CDH12: variants seen among roughly 807,000 people sequenced by gnomAD.
CDH12 encodes the protein cadherin 12, also known as cadherin-12.
In CDH12, 41 loss-of-function variants were observed where a neutral mutation model predicts 74.1. The observed-to-expected ratio is 0.55, with a 90% CI of 0.43 to 0.72. The LOEUF (loss-of-function observed/expected upper bound fraction) is 0.72. Among genes scored for constraint, CDH12 ranks in the 30% least tolerant of loss-of-function variants. The pLI is 0.00. For missense variants in CDH12, 945 were observed against 977.2 expected (o/e 0.97, Z 0.44); for synonymous variants, 399 against 355.0 (o/e 1.12, Z -1.39).
chr5:22,398,728 T>C (rs932563693), intron 3 of CDH12, among the ~76,000 whole-genome samples: 23 of 152,200 alleles, frequency 1.5e-4, no homozygotes, highest in African/African-American at 5.1e-4. Context: ...CTTTCTATTA[T>C]CTGCATGATT....
At chr5:22,174,511 C>T (rs964567390) in intron 4 of CDH12, among the ~76,000 whole-genome samples, 1 of 151,790 alleles carries the variant, frequency 6.6e-6, no homozygotes, top group African/African-American at 2.4e-5. Context: ...AACTGCAAGC[C>T]TAGAATTTAG....
At chr5:22,545,290 T>C (rs1738266316) in intron 1 of CDH12, among the ~76,000 whole-genome samples, 1 of 152,188 alleles carries the variant, frequency 6.6e-6, no homozygotes, top group South Asian at 2.1e-4. Flanking sequence ...TCTGAATATA[T>C]AGACAGGAAG....
At chr5:22,808,908 A>T (rs1748968314) in intron 1 of CDH12, among the ~76,000 whole-genome samples, 1 of 151,386 alleles carries the variant, frequency 6.6e-6, no homozygotes, top group South Asian at 2.1e-4. Context: ...CACCCAGCCA[A>T]CTTACATAAA....
chr5:22,369,636 G>A (rs1741187220), intron 3 of CDH12, among the ~76,000 whole-genome samples: 1 of 152,258 alleles, frequency 6.6e-6, no homozygotes, highest in Admixed American at 6.5e-5. Flanking sequence ...TACCTTTGAA[G>A]GACTGAGGAG....
chr5:22,009,150 G>A (rs185903677), intron 5 of CDH12, among the ~76,000 whole-genome samples: 97 of 152,192 alleles, frequency 6.4e-4, no homozygotes, highest in Non-Finnish European at 1.1e-3. Flanking sequence ...AAGCTGAGGC[G>A]ACTAATATAC....
chr5:22,577,126 C>G (rs1428352265), intron 1 of CDH12, among the ~76,000 whole-genome samples: 3 of 152,158 alleles, frequency 2.0e-5, no homozygotes, highest in Non-Finnish European at 2.9e-5. Flanking sequence ...GGCCCAGAGA[C>G]AGGCGGCTTG....
chr5:21,966,159 T>A (rs1387728146), intron 6 of CDH12, among the ~76,000 whole-genome samples: 3 of 73,888 alleles, frequency 4.1e-5, no homozygotes, highest in African/African-American at 2.8e-4. Context: ...TATTTTTACG[T>A]TTTTTTTTTT....
intron 3 of CDH12, among the ~76,000 whole-genome samples, chr5:22,317,187 G>A (rs536724519): frequency 2.6e-5 from 4 of 152,066 alleles, no homozygotes; most frequent in African/African-American, 9.6e-5. Context: ...GTGTACTGGC[G>A]GGCGCCTGTA....
chr5:21,997,915 G>C (rs1430012920), intron 5 of CDH12, among the ~76,000 whole-genome samples: 3 of 152,076 alleles, frequency 2.0e-5, no homozygotes, highest in Non-Finnish European at 4.4e-5. Flanking sequence ...TTTGGGGTAG[G>C]AGCTAAAAGT....
chr5:21,980,182 C>CATAT (rs370738806), intron 5 of CDH12, among the ~76,000 whole-genome samples: 3,167 of 145,864 alleles, frequency 0.022, 95 homozygotes, highest in African/African-American at 0.068. Context: ...ATATGTATGG[C>CATAT]ATATATATAT....
chr5:21,998,174 T>C (rs1229375140), intron 5 of CDH12, among the ~76,000 whole-genome samples: 4 of 152,054 alleles, frequency 2.6e-5, no homozygotes, highest in African/African-American at 9.7e-5. Context: ...TTCCCTTCCT[T>C]GGCTCTATGT....
intron 3 of CDH12, among the ~76,000 whole-genome samples, chr5:22,359,490 A>AAG (rs1740707617): frequency 6.6e-6 from 1 of 152,160 alleles, no homozygotes; most frequent in African/African-American, 2.4e-5. Context: ...GGGAGACTTC[A>AAG]ACACCCCACT....
At chr5:21,918,497 T>C (rs13162958) in intron 6 of CDH12, among the ~76,000 whole-genome samples, 99,882 of 151,958 alleles carry the variant, frequency 0.66, 36,821 homozygotes, top group East Asian at 0.93. Flanking sequence ...TTCAGCACAG[T>C]TGGGGAGTCC....
chr5:22,606,221 G>A (rs1170039500), intron 1 of CDH12, among the ~76,000 whole-genome samples: 1 of 152,042 alleles, frequency 6.6e-6, no homozygotes, highest in Non-Finnish European at 1.5e-5. Flanking sequence ...TGGCCCTCCT[G>A]GTCATACACT....
At chr5:22,319,413 G>A (rs1340836593) in intron 3 of CDH12, among the ~76,000 whole-genome samples, 1 of 152,090 alleles carries the variant, frequency 6.6e-6, no homozygotes, top group Non-Finnish European at 1.5e-5. Flanking sequence ...GGAATAAAAG[G>A]CAACGCAGTT....
At chr5:22,251,320 G>A (rs1401573520) in intron 3 of CDH12, among the ~76,000 whole-genome samples, 1 of 152,116 alleles carries the variant, frequency 6.6e-6, no homozygotes, top group Non-Finnish European at 1.5e-5. Context: ...CCATACACAG[G>A]TTCAGATAAA....
intron 2 of CDH12, among the ~76,000 whole-genome samples, chr5:22,408,730 A>C (rs979725545): frequency 6.6e-6 from 1 of 151,456 alleles, no homozygotes; most frequent in Non-Finnish European, 1.5e-5. Context: ...ATTAGACTCA[A>C]TATCACTGAA....
intron 2 of CDH12, among the ~76,000 whole-genome samples, chr5:22,480,193 T>A (rs1746329694): frequency 6.6e-6 from 1 of 152,162 alleles, no homozygotes; most frequent in African/African-American, 2.4e-5. Flanking sequence ...CTCCCTAAGT[T>A]ATTTTTAGGA....
intron 3 of CDH12, among the ~76,000 whole-genome samples, chr5:22,272,858 G>T (rs1415652861): frequency 2.6e-5 from 4 of 152,160 alleles, no homozygotes; most frequent in African/African-American, 9.7e-5. Flanking sequence ...AAGGAAAGAA[G>T]TTTAATTGAC....
Sources: gnomAD v4.1 joint callset for allele counts (sites outside exome capture counted in the v4.1 genomes callset) on GRCh38, gnomAD v4.1.1 for gene constraint, MANE v1.5 for transcripts, NCBI Gene and HGNC (gene_info 2026-07-23, HGNC 2026-07-21) for gene names.